Variants in KCNH1 observed in about 807,000 individuals in gnomAD.
KCNH1 encodes voltage-gated delayed rectifier potassium channel KCNH1.
Under a neutral mutation model 69.2 loss-of-function variants are expected in KCNH1, and 27 were observed. The ratio of observed to expected loss-of-function variants is 0.39; its 90% CI spans 0.29 to 0.54. The LOEUF (loss-of-function observed/expected upper bound fraction) is 0.54. KCNH1 is among the 20% of genes least tolerant of loss of function. The pLI, the probability that KCNH1 is intolerant of heterozygous loss-of-function variation, is 0.68. For missense variants in KCNH1, 798 were observed against 1,261.6 expected (o/e 0.63, Z 5.57); for synonymous variants, 456 against 487.7 (o/e 0.93, Z 0.86).
chr1:210,793,879 A>G (rs1054142114), intron 9 of KCNH1, among the ~76,000 whole-genome samples: 7 of 152,206 alleles, frequency 4.6e-5, no homozygotes, highest in African/African-American at 7.2e-5. Context: ...GGCAATGCGA[A>G]TCATGCAGAG....
chr1:210,726,245 A>T (rs1682587794), intron 10 of KCNH1, among the ~76,000 whole-genome samples: 1 of 152,190 alleles, frequency 6.6e-6, no homozygotes, highest in Non-Finnish European at 1.5e-5. Context: ...CCAACTTCTG[A>T]AAAGGAAGTT....
At chr1:211,055,164 G>A (rs1037408610) in intron 5 of KCNH1, among the ~76,000 whole-genome samples, 4 of 152,188 alleles carry the variant, frequency 2.6e-5, no homozygotes, top group Non-Finnish European at 4.4e-5. Flanking sequence ...ACTGAAAAGG[G>A]TAGAAAAGAC....
chr1:210,829,345 T>C (rs1423753853), intron 7 of KCNH1, among the ~76,000 whole-genome samples: 1 of 152,194 alleles, frequency 6.6e-6, no homozygotes, highest in Non-Finnish European at 1.5e-5. Context: ...GTTTATTACA[T>C]TCCCAGCGCT....
At chr1:210,841,638 A>C (rs1433992728) in intron 7 of KCNH1, among the ~76,000 whole-genome samples, 2 of 152,156 alleles carry the variant, frequency 1.3e-5, no homozygotes, top group African/African-American at 2.4e-5. Flanking sequence ...CAGATCCAAA[A>C]TCTTGAATCT....
At chr1:211,102,178 C>T (rs1265057999) in intron 3 of KCNH1, among the ~76,000 whole-genome samples, 1 of 152,210 alleles carries the variant, frequency 6.6e-6, no homozygotes, top group Non-Finnish European at 1.5e-5. Context: ...TGCCCTCTCG[C>T]ATCTCAAACT....
At chr1:210,872,446 AG>A (rs1242731250) in intron 7 of KCNH1, among the ~76,000 whole-genome samples, 1 of 152,074 alleles carries the variant, frequency 6.6e-6, no homozygotes. Flanking sequence ...TCATAAACAC[AG>A]TGTATTAGTC....
chr1:211,008,134 C>A (rs1286850972), intron 6 of KCNH1, among the ~76,000 whole-genome samples: 2 of 152,052 alleles, frequency 1.3e-5, no homozygotes, highest in African/African-American at 4.8e-5. Flanking sequence ...TTCATAATCG[C>A]CAAAAGTAGA....
At chr1:211,058,999 A>G (rs1322829493) in intron 5 of KCNH1, among the ~76,000 whole-genome samples, 1 of 152,200 alleles carries the variant, frequency 6.6e-6, no homozygotes, top group Non-Finnish European at 1.5e-5. Flanking sequence ...AGAAAAAGTC[A>G]GCCAGGTGCG....
At chr1:210,783,832 C>A (rs1277595212) in intron 9 of KCNH1, among the ~76,000 whole-genome samples, 3 of 152,318 alleles carry the variant, frequency 2.0e-5, no homozygotes, top group East Asian at 3.9e-4. Context: ...AGCAGCTGAA[C>A]CTGCAACCTA....
At chr1:211,117,623 T>C (rs188616212) in intron 1 of KCNH1, among the ~76,000 whole-genome samples, 1 of 152,252 alleles carries the variant, frequency 6.6e-6, no homozygotes, top group Admixed American at 6.5e-5. Context: ...TAAAAGATAC[T>C]CTATTAATCT....
intron 6 of KCNH1, among the ~76,000 whole-genome samples, chr1:210,970,284 GC>G (rs61438755): frequency 0.049 from 7,381 of 151,424 alleles, 585 homozygotes; most frequent in African/African-American, 0.17. Context: ...CCCCCAACAG[GC>G]CCCGGTGTAT....
chr1:210,785,268 T>A (rs1022695257), intron 9 of KCNH1, among the ~76,000 whole-genome samples: 2 of 152,088 alleles, frequency 1.3e-5, no homozygotes, highest in Non-Finnish European at 2.9e-5. Context: ...AAATAGACAA[T>A]TTTTCCAAAA....
At chr1:211,037,923 T>G (rs1309010028) in intron 5 of KCNH1, among the ~76,000 whole-genome samples, 1 of 151,940 alleles carries the variant, frequency 6.6e-6, no homozygotes, top group South Asian at 2.1e-4. Context: ...GAGATTTGAT[T>G]GATTTATCAG....
chr1:211,036,531 T>C (rs1169636844), intron 5 of KCNH1, among the ~76,000 whole-genome samples: 1 of 152,174 alleles, frequency 6.6e-6, no homozygotes, highest in Non-Finnish European at 1.5e-5. Flanking sequence ...GATATAACTA[T>C]CTGGAAAGAG....
At chr1:210,974,265 G>A (rs899103070) in intron 6 of KCNH1, among the ~76,000 whole-genome samples, 2 of 151,884 alleles carry the variant, frequency 1.3e-5, no homozygotes, top group Non-Finnish European at 2.9e-5. Context: ...TGATTTTTCT[G>A]TATCTATTAA....
intron 5 of KCNH1, among the ~76,000 whole-genome samples, chr1:211,057,745 A>G (rs1313549840): frequency 2.0e-5 from 3 of 152,150 alleles, no homozygotes; most frequent in Admixed American, 1.3e-4. Context: ...AATAGTCTCA[A>G]AAGTTATTGG....
intron 5 of KCNH1, among the ~76,000 whole-genome samples, chr1:211,038,329 G>A (rs147816134): frequency 2.9e-4 from 44 of 152,222 alleles, no homozygotes; most frequent in Middle Eastern, 6.8e-3. Flanking sequence ...CAGCTATGTG[G>A]CACTGTAAGT....
At chr1:210,779,142 C>G (rs894304304) in intron 9 of KCNH1, among the ~76,000 whole-genome samples, 4 of 151,990 alleles carry the variant, frequency 2.6e-5, no homozygotes, top group African/African-American at 9.7e-5. Flanking sequence ...AGGGTAGATC[C>G]TACTACAAAA....
chr1:210,869,124 G>A (rs995311783), intron 7 of KCNH1, among the ~76,000 whole-genome samples: 3 of 152,052 alleles, frequency 2.0e-5, no homozygotes, highest in Non-Finnish European at 4.4e-5. Flanking sequence ...TTTCTGACAA[G>A]ACATATGTGA....
Sources: gnomAD v4.1 joint callset for allele counts (sites outside exome capture counted in the v4.1 genomes callset) on GRCh38, gnomAD v4.1.1 for gene constraint, MANE v1.5 for transcripts, NCBI Gene and HGNC (gene_info 2026-07-23, HGNC 2026-07-21) for gene names.